PACS1: variants seen among roughly 807,000 people sequenced by gnomAD.
PACS1 encodes PACS-1.
Under a neutral mutation model 115.0 loss-of-function variants are expected in PACS1, and 24 were observed. That is an observed-to-expected ratio of 0.21 (90% CI 0.15 to 0.29). The LOEUF is 0.29. Among genes scored for constraint, PACS1 ranks in the 10% least tolerant of loss-of-function variants. The pLI is 1.00. For missense variants in PACS1, 838 were observed against 1,251.2 expected (o/e 0.67, Z 4.98); for synonymous variants, 453 against 504.5 (o/e 0.90, Z 1.37).
chr11:66,230,711 T>C, intron 12 of PACS1, 48 bp downstream of exon 12: 1 of 1,611,592 alleles, frequency 6.2e-7, no homozygotes, highest in African/African-American at 1.3e-5. Context: ...CAGCTGTGCT[T>C]AGCATGGGCT....
chr11:66,155,387 A>G (rs1447531779), intron 1 of PACS1, among the ~76,000 whole-genome samples: 1 of 152,220 alleles, frequency 6.6e-6, no homozygotes, highest in Admixed American at 6.5e-5. Flanking sequence ...ATTGTAAAGA[A>G]CTCTTACAGT....
chr11:66,232,331 G>A (rs1855614094), intron 14 of PACS1, 55 bp downstream of exon 14: 1 of 1,020,926 alleles, frequency 9.8e-7, no homozygotes, highest in South Asian at 1.3e-5. Context: ...GCAATGCCCG[G>A]TTGCATTGTC....
intron 1 of PACS1, among the ~76,000 whole-genome samples, chr11:66,190,080 C>T (rs543102534): frequency 6.6e-5 from 10 of 152,282 alleles, no homozygotes; most frequent in South Asian, 2.1e-4. Flanking sequence ...TTTCTTGTGC[C>T]GATGAACTTT....
Position 66,233,833 on chromosome 11 carries a change from G to A in PACS1, c.1887G>A (p.Val629=), listed in dbSNP as rs1484912538. The change falls in exon 16 of 24, where the codon GTG becomes GTA. Residue 629 remains valine, a synonymous_variant. Coordinates refer to ENST00000320580, the MANE Select transcript of PACS1 (RefSeq NM_018026.4). The surrounding 1 kb of genome is among the most constrained non-coding windows in gnomAD (Gnocchi z 4.5). ...CGAGGCCAGTGAAGGTGGCTGCTGT[G>A]GGAGGCCAGAGCTACCTGAGCTCCA... ...SMPRPVKVAA[V]GGQSYLSSIL... is the part of the protein sequence containing the mutation. 5 of 1,613,634 alleles carry A rather than the reference G, an allele frequency of 3.1e-6. No homozygotes were observed. The South Asian group carries it at 5.5e-5, about 18-fold the overall frequency.
intron 19 of PACS1, chr11:66,238,307 A>G (rs1855743838): frequency 2.0e-6 from 2 of 985,168 alleles, no homozygotes; most frequent in Non-Finnish European, 2.4e-6. Flanking sequence ...CCCTCTGCCC[A>G]CAGGACCTTA....
intron 1 of PACS1, among the ~76,000 whole-genome samples, chr11:66,159,593 GT>G (rs1171352519): frequency 6.6e-6 from 1 of 152,158 alleles, no homozygotes; most frequent in African/African-American, 2.4e-5. Context: ...ATTGTCGTAG[GT>G]TTTTCAGTTT....
intron 1 of PACS1, chr11:66,120,894 C>T (rs184110748): frequency 1.2e-5 from 5 of 407,208 alleles, no homozygotes; most frequent in Admixed American, 1.1e-4. Context: ...CAAGGGACGT[C>T]TTCATGAAGT....
intron 1 of PACS1, among the ~76,000 whole-genome samples, chr11:66,102,932 G>A (rs1421546897): frequency 6.6e-6 from 1 of 152,144 alleles, no homozygotes; most frequent in Non-Finnish European, 1.5e-5. Context: ...CCAGGTTCAA[G>A]CCATTCTCCT....
chr11:66,110,943 T>C (rs1220738924), intron 1 of PACS1, among the ~76,000 whole-genome samples: 1 of 152,206 alleles, frequency 6.6e-6, no homozygotes, highest in African/African-American at 2.4e-5. Context: ...CTAAGTAAAA[T>C]TGATCTCGGA....
At chr11:66,100,927 C>T (rs1465232482) in intron 1 of PACS1, 9 of 456,040 alleles carry the variant, frequency 2.0e-5, no homozygotes, top group Admixed American at 2.4e-5. Flanking sequence ...AGCGAGCTGG[C>T]GGAAGCCTCA....
chr11:66,147,144 A>G (rs1466444406), intron 1 of PACS1, among the ~76,000 whole-genome samples: 1 of 152,232 alleles, frequency 6.6e-6, no homozygotes, highest in Admixed American at 6.5e-5. Flanking sequence ...TTGTAACAGT[A>G]TGAATGTTTG....
At chr11:66,179,081 T>TCA (rs1456357404) in intron 1 of PACS1, among the ~76,000 whole-genome samples, 1 of 152,204 alleles carries the variant, frequency 6.6e-6, no homozygotes, top group African/African-American at 2.4e-5. Context: ...GTCACTCTTA[T>TCA]CACAGCACTT....
At chr11:66,180,304 A>G (rs1293189883) in intron 1 of PACS1, among the ~76,000 whole-genome samples, 1 of 152,000 alleles carries the variant, frequency 6.6e-6, no homozygotes, top group Non-Finnish European at 1.5e-5. Context: ...CCAATAATAC[A>G]CAGTCATACA....
chr11:66,216,146 C>G lies in PACS1; in HGVS notation c.688C>G (p.Leu230Val). 6.2e-7 allele frequency: 1 copy of G among 1,614,012 alleles called. No homozygotes were observed. Among genetic ancestry groups the G allele is most frequent in the Non-Finnish European group, 8.5e-7 (1 of 1,180,008 alleles). ...GATGCAGCATCCTAATGAAGGCGCA[C>G]TGGTGCTTGGCCTACACAGCAACGT... is the stretch of plus-strand genomic sequence containing the variant. Reference protein sequence around the residue: ...EVMQHPNEGALVLGLHSNVKD... With the variant: ...EVMQHPNEGAVVLGLHSNVKD... Residue 230 changes from leucine to valine, a missense_variant, in exon 5 of 24, where the codon CTG becomes GTG. This residue lies in a region of PACS1 where 223 missense variants were observed against 354.0 expected (regional missense o/e 0.63). Coordinates refer to ENST00000320580, the MANE Select transcript of PACS1 (RefSeq NM_018026.4).
At chr11:66,075,028 C>T (rs1373023435) in intron 1 of PACS1, among the ~76,000 whole-genome samples, 1 of 148,168 alleles carries the variant, frequency 6.7e-6, no homozygotes, top group East Asian at 2.0e-4. Flanking sequence ...CTGCAAGCTC[C>T]GCCTCCCAGG....
chr11:66,223,004 G>A (rs1292926651), intron 10 of PACS1, among the ~76,000 whole-genome samples: 1 of 135,212 alleles, frequency 7.4e-6, no homozygotes, highest in Middle Eastern at 4.5e-3. Context: ...CCTAGACGCC[G>A]TTCCAGGCCG....
chr11:66,086,005 T>A (rs1554974519), intron 1 of PACS1, among the ~76,000 whole-genome samples: 1 of 152,200 alleles, frequency 6.6e-6, no homozygotes, highest in Non-Finnish European at 1.5e-5. Context: ...GATATGATTT[T>A]CTAAAATGGT....
intron 1 of PACS1, among the ~76,000 whole-genome samples, chr11:66,180,360 T>TTG (rs1554985761): frequency 1.1e-4 from 17 of 151,542 alleles, no homozygotes; most frequent in African/African-American, 3.1e-4. Flanking sequence ...GCTTTTTTTT[T>TTG]TGTGTGTGTG....
At chr11:66,164,463 G>T (rs2134630303) in intron 1 of PACS1, among the ~76,000 whole-genome samples, 1 of 150,380 alleles carries the variant, frequency 6.6e-6, no homozygotes, top group African/African-American at 2.4e-5. Flanking sequence ...TTTCATTTGT[G>T]AGTATAGTCC....
Sources: allele counts gnomAD v4.1 joint callset (sites outside exome capture counted in the v4.1 genomes callset), GRCh38; gene constraint gnomAD v4.1.1; regional missense constraint gnomAD v4.1.1; non-coding constraint Gnocchi (gnomAD v3.1); transcripts MANE v1.5; gene names NCBI Gene and HGNC (gene_info 2026-07-23, HGNC 2026-07-21).